The following TTC28 variants were observed in gnomAD, a reference collection of about 807,000 sequenced individuals.
The protein encoded by TTC28 is tetratricopeptide repeat domain 28.
A neutral mutation model predicts 198.0 loss-of-function variants in TTC28; 61 were observed. The ratio of observed to expected loss-of-function variants is 0.31; its 90% CI spans 0.25 to 0.38. The LOEUF is 0.38. Among genes scored for constraint, TTC28 ranks in the 10% least tolerant of loss-of-function variants. The probability of loss-of-function intolerance (pLI) is 1.00; values close to 1 mark genes in which losing one functional copy is unlikely to be tolerated. For synonymous variants in TTC28, 1,171 were observed against 1,297.8 expected (o/e 0.90, Z 2.10); for missense variants, 2,678 against 3,164.0 (o/e 0.85, Z 3.69).
chr22:28,164,289 G>C (rs568892221), intron 5 of TTC28, among the ~76,000 whole-genome samples: 1 of 152,304 alleles, frequency 6.6e-6, no homozygotes, highest in African/African-American at 2.4e-5. Flanking sequence ...CAGCTTTGAA[G>C]AGAGTAGTGG....
intron 2 of TTC28, among the ~76,000 whole-genome samples, chr22:28,456,212 C>T (rs1370384704): frequency 2.7e-5 from 4 of 150,876 alleles, no homozygotes; most frequent in African/African-American, 9.7e-5. Context: ...TGATATTCCG[C>T]CACTAAAAAA....
At chr22:28,376,142 C>A (rs781752334) in intron 2 of TTC28, among the ~76,000 whole-genome samples, 2 of 152,180 alleles carry the variant, frequency 1.3e-5, no homozygotes, top group Non-Finnish European at 2.9e-5. Flanking sequence ...TCATACCTAC[C>A]TACCTATCTA....
intron 2 of TTC28, among the ~76,000 whole-genome samples, chr22:28,349,577 C>T (rs1051739037): frequency 2.0e-5 from 3 of 152,164 alleles, no homozygotes; most frequent in African/African-American, 7.2e-5. Flanking sequence ...CTTGAGTTCC[C>T]ATCTCAGTTT....
At chr22:28,542,567 T>A (rs1018730030) in intron 2 of TTC28, among the ~76,000 whole-genome samples, 1 of 152,142 alleles carries the variant, frequency 6.6e-6, no homozygotes, top group Non-Finnish European at 1.5e-5. Flanking sequence ...CTATGTTATG[T>A]ATATTTTAAC....
intron 5 of TTC28, among the ~76,000 whole-genome samples, chr22:28,200,738 TG>T (rs1403439924): frequency 1.3e-5 from 2 of 152,116 alleles, no homozygotes; most frequent in Non-Finnish European, 1.5e-5. Flanking sequence ...AGGAGCAGAA[TG>T]GACAGAATGT....
At chr22:28,529,783 A>G (rs555207581) in intron 2 of TTC28, among the ~76,000 whole-genome samples, 2 of 152,326 alleles carry the variant, frequency 1.3e-5, no homozygotes, top group African/African-American at 2.4e-5. Context: ...GGTGACACTC[A>G]GGCAAACAGG....
At chr22:28,389,237 G>A (rs950010859) in intron 2 of TTC28, among the ~76,000 whole-genome samples, 4 of 152,076 alleles carry the variant, frequency 2.6e-5, no homozygotes, top group African/African-American at 4.8e-5. Flanking sequence ...TGCTGGATTC[G>A]GTTTGCCAGT....
At chr22:28,064,602 A>G (rs1940682120) in intron 12 of TTC28, among the ~76,000 whole-genome samples, 1 of 152,168 alleles carries the variant, frequency 6.6e-6, no homozygotes, top group Admixed American at 6.6e-5. Flanking sequence ...TTTACTCCAT[A>G]AAATATCATA....
intron 5 of TTC28, among the ~76,000 whole-genome samples, chr22:28,239,376 C>T (rs937529869): frequency 6.6e-6 from 1 of 152,016 alleles, no homozygotes; most frequent in Non-Finnish European, 1.5e-5. Flanking sequence ...CACCACTCTA[C>T]CGTACAAGAA....
chr22:28,224,234 GC>G (rs1569208151), intron 5 of TTC28, among the ~76,000 whole-genome samples: 1 of 152,202 alleles, frequency 6.6e-6, no homozygotes, highest in Non-Finnish European at 1.5e-5. Context: ...GCTTTAAGGT[GC>G]ATGTGTCATG....
chr22:28,335,569 G>T (rs936832605), intron 2 of TTC28, among the ~76,000 whole-genome samples: 4 of 152,122 alleles, frequency 2.6e-5, no homozygotes, highest in South Asian at 2.1e-4. Flanking sequence ...TTGTAAGTTG[G>T]ATTCCTAGGT....
At chr22:28,105,178 G>A (rs1942258134) in intron 8 of TTC28, 101 bp downstream of exon 8, 1 of 1,259,142 alleles carries the variant, frequency 7.9e-7, no homozygotes, top group Non-Finnish European at 1.1e-6. Context: ...CCACACAGAG[G>A]TGGCCATTCA....
chr22:28,069,882 A>C (rs1601585242), intron 12 of TTC28, among the ~76,000 whole-genome samples: 1 of 152,038 alleles, frequency 6.6e-6, no homozygotes, highest in East Asian at 1.9e-4. Flanking sequence ...AAGGAGAAAA[A>C]TACAATAAAG....
intron 14 of TTC28, among the ~76,000 whole-genome samples, chr22:28,012,054 C>T (rs1329965675): frequency 6.6e-6 from 1 of 152,160 alleles, no homozygotes; most frequent in Non-Finnish European, 1.5e-5. Flanking sequence ...GAGCGGGGAT[C>T]CCTGGGAAAT....
chr22:28,169,869 A>G (rs909602192), intron 5 of TTC28, among the ~76,000 whole-genome samples: 1 of 151,948 alleles, frequency 6.6e-6, no homozygotes, highest in Non-Finnish European at 1.5e-5. Context: ...TAAATTGGGG[A>G]ATTTTAAAAT....
At chr22:28,522,428 C>A (rs1348314573) in intron 2 of TTC28, among the ~76,000 whole-genome samples, 2 of 149,550 alleles carry the variant, frequency 1.3e-5, no homozygotes, top group African/African-American at 5.0e-5. Flanking sequence ...GTGGAGGTTG[C>A]AGTGAGCCAA....
chr22:28,402,717 G>A (rs1189199228), intron 2 of TTC28, among the ~76,000 whole-genome samples: 2 of 152,116 alleles, frequency 1.3e-5, no homozygotes, highest in Non-Finnish European at 2.9e-5. Context: ...AGTTTCTTCC[G>A]CTCTCAAACA....
intron 5 of TTC28, among the ~76,000 whole-genome samples, chr22:28,273,793 C>A (rs190414446): frequency 6.6e-6 from 1 of 152,184 alleles, no homozygotes; most frequent in East Asian, 1.9e-4. Context: ...CACACCTACA[C>A]TATTTTACAG....
At chr22:28,086,615 A>G (rs546428228) in intron 12 of TTC28, among the ~76,000 whole-genome samples, 2 of 152,284 alleles carry the variant, frequency 1.3e-5, no homozygotes, top group East Asian at 3.9e-4. Context: ...TAGAAAAGCA[A>G]GAGCAAACAT....
Sources: allele counts gnomAD v4.1 joint callset (sites outside exome capture counted in the v4.1 genomes callset), GRCh38; gene constraint gnomAD v4.1.1; transcripts MANE v1.5; gene names NCBI Gene and HGNC (gene_info 2026-07-23, HGNC 2026-07-21).